MPPED2: variants seen among roughly 807,000 people sequenced by gnomAD.
MPPED2 encodes the protein metallophosphoesterase domain containing 2, also known as metallophosphoesterase MPPED2.
Under a neutral mutation model 33.0 loss-of-function variants are expected in MPPED2, and 5 were observed. The ratio of observed to expected loss-of-function variants is 0.15; its 90% CI spans 0.08 to 0.32. MPPED2 has a LOEUF of 0.32. Ranked by LOEUF, MPPED2 falls within the 10% of genes least tolerant of loss-of-function variation. The pLI is 1.00. For missense variants in MPPED2, 275 were observed against 372.1 expected (o/e 0.74, Z 2.15); for synonymous variants, 136 against 141.9 (o/e 0.96, Z 0.29).
chr11:30,442,045 A>G (rs1472031298), intron 4 of MPPED2, among the ~76,000 whole-genome samples: 2 of 152,236 alleles, frequency 1.3e-5, no homozygotes, highest in African/African-American at 2.4e-5. Flanking sequence ...ACTGGCTCAG[A>G]GATGGCCAGA....
intron 2 of MPPED2, among the ~76,000 whole-genome samples, chr11:30,536,979 A>G (rs542229632): frequency 6.6e-6 from 1 of 152,324 alleles, no homozygotes; most frequent in East Asian, 1.9e-4. Context: ...TAATATATGT[A>G]TAGTTTTAGA....
At chr11:30,496,559 T>C (rs1359041669) in intron 3 of MPPED2, among the ~76,000 whole-genome samples, 1 of 152,208 alleles carries the variant, frequency 6.6e-6, no homozygotes, top group Non-Finnish European at 1.5e-5. Context: ...GGGTCTGATG[T>C]GAAATTAATG....
chr11:30,462,400 G>A (rs1293812302), intron 4 of MPPED2, among the ~76,000 whole-genome samples: 2 of 152,106 alleles, frequency 1.3e-5, no homozygotes, highest in Non-Finnish European at 2.9e-5. Context: ...AACTTGGGCG[G>A]GAAGGAATAA....
At chr11:30,435,646 G>T (rs1055808760) in intron 4 of MPPED2, among the ~76,000 whole-genome samples, 6 of 152,280 alleles carry the variant, frequency 3.9e-5, no homozygotes, top group African/African-American at 1.2e-4. Context: ...AACAAAGCCT[G>T]ACCACCCATC....
In MPPED2 at chr11:30,430,971, T is replaced by C. The variant is rs11031081; in HGVS notation, c.537-13338A>G. 1.6e-3 allele frequency among the ~76,000 whole-genome samples: 243 copies of C among 152,106 alleles called. 5 individuals are homozygous for C. The East Asian group carries it at 0.043, about 27-fold the overall frequency. On this transcript the variant is annotated intron_variant, in intron 4 of 6. Transcript: ENST00000358117. ...ATTCAGGAAAAATCAGAATTAGAGA[T>C]GAAAGAGGATGAGGAGGCAGCCAGG...
At chr11:30,445,440 C>T (rs1464414552) in intron 4 of MPPED2, among the ~76,000 whole-genome samples, 2 of 152,086 alleles carry the variant, frequency 1.3e-5, no homozygotes, top group Admixed American at 6.5e-5. Flanking sequence ...TTAGTGTAAC[C>T]TTTTTTCTTA....
At chr11:30,480,575 A>C (rs569198564) in intron 4 of MPPED2, among the ~76,000 whole-genome samples, 1 of 152,202 alleles carries the variant, frequency 6.6e-6, no homozygotes, top group South Asian at 2.1e-4. Flanking sequence ...CACAGGACTA[A>C]ATTTATCACT....
chr11:30,473,012 T>C (rs936486370), intron 4 of MPPED2, among the ~76,000 whole-genome samples: 1 of 152,246 alleles, frequency 6.6e-6, no homozygotes, highest in South Asian at 2.1e-4. Flanking sequence ...CAAATAGTTA[T>C]ATATACTTAT....
chr11:30,426,855 G>A (rs966372585), intron 4 of MPPED2, among the ~76,000 whole-genome samples: 26 of 152,256 alleles, frequency 1.7e-4, no homozygotes, highest in South Asian at 4.1e-4. Context: ...TGGTGTGAGC[G>A]GGAGGGAGGT....
intron 4 of MPPED2, among the ~76,000 whole-genome samples, chr11:30,449,136 A>G (rs894395391): frequency 1.3e-5 from 2 of 152,214 alleles, no homozygotes; most frequent in African/African-American, 2.4e-5. Flanking sequence ...TATATCCACT[A>G]TCAAACACAG....
rs527370844 is a variant in MPPED2 at position 30,489,072 on chromosome 11, A to G, written c.536+6224T>C. Among the ~76,000 whole-genome samples the G allele has an allele frequency of 8.4e-5, 12 of 142,350 alleles. No homozygotes were observed. The South Asian group carries it at 2.2e-3, about 26-fold the overall frequency. 93.4% of individuals were successfully genotyped at this position (142,350 alleles called of 152,430 possible). A position where few individuals can be genotyped will look rare whatever the true frequency, so the allele number is the denominator to read the frequency against. On this transcript the variant is annotated intron_variant, in intron 4 of 6. Transcript: ENST00000358117. The stretch of plus-strand genomic sequence containing the variant: ...TTCTCCTTTTTTTTTTTTTTGCCTA[A>G]GTTAATTACAAAGTATGACTGAGAA...
At chr11:30,476,192 T>C (rs1042935917) in intron 4 of MPPED2, among the ~76,000 whole-genome samples, 24 of 152,044 alleles carry the variant, frequency 1.6e-4, no homozygotes, top group African/African-American at 5.3e-4. Context: ...TCCCCTAGAC[T>C]ATGTTCCCCA....
At chr11:30,463,570 G>T (rs1374772176) in intron 4 of MPPED2, among the ~76,000 whole-genome samples, 4 of 152,208 alleles carry the variant, frequency 2.6e-5, no homozygotes, top group African/African-American at 9.6e-5. Context: ...GTTCTGCGAA[G>T]TGGCTGGCCA....
chr11:30,410,287 T>A lies in MPPED2; in HGVS notation c.*1181A>T. 1 of 985,320 alleles carries A rather than the reference T, an allele frequency of 1.0e-6. No individual in the cohort carries two copies. Among genetic ancestry groups the A allele is most frequent in the Non-Finnish European group, 1.2e-6 (1 of 829,528 alleles). 61.0% of individuals were successfully genotyped at this position (985,320 alleles called of 1,614,324 possible). A position where few individuals can be genotyped will look rare whatever the true frequency, so the allele number is the denominator to read the frequency against. On this transcript the variant is annotated 3_prime_UTR_variant, in exon 7 of 7. Coordinates refer to ENST00000358117, the MANE Select transcript of MPPED2 (RefSeq NM_001584.3). The stretch of plus-strand genomic sequence containing the variant: ...CTAGATATAGAATATCACAATAAAT[T>A]TAAAGAAACAACTGCTTTCCTAAAT...
intron 2 of MPPED2, among the ~76,000 whole-genome samples, chr11:30,549,499 T>C (rs1389217423): frequency 6.6e-6 from 1 of 152,176 alleles, no homozygotes; most frequent in East Asian, 1.9e-4. Flanking sequence ...AGGCCCACTA[T>C]CTATACATAT....
At chr11:30,472,450 G>C (rs1419300535) in intron 4 of MPPED2, among the ~76,000 whole-genome samples, 1 of 152,160 alleles carries the variant, frequency 6.6e-6, no homozygotes, top group Non-Finnish European at 1.5e-5. Context: ...ACTCAACAGA[G>C]ATTTTCAACC....
chr11:30,583,232 A>G (rs965872087), intron 1 of MPPED2, among the ~76,000 whole-genome samples: 5 of 147,328 alleles, frequency 3.4e-5, no homozygotes, highest in African/African-American at 1.3e-4. Context: ...ATTTGGAGAG[A>G]GCTTGAAACA....
At chr11:30,399,297 T>C (rs1947878520) in intron 6 of MPPED2, among the ~76,000 whole-genome samples, 1 of 152,204 alleles carries the variant, frequency 6.6e-6, no homozygotes, top group African/African-American at 2.4e-5. Flanking sequence ...TTTCTCCATG[T>C]CTCAGACAAA....
chr11:30,401,299 A>T (rs1947905433), intron 6 of MPPED2, among the ~76,000 whole-genome samples: 1 of 152,176 alleles, frequency 6.6e-6, no homozygotes, highest in Admixed American at 6.5e-5. Context: ...GCTAGTAGTT[A>T]AGGCTTTGGT....
Sources: allele counts gnomAD v4.1 joint callset (sites outside exome capture counted in the v4.1 genomes callset), GRCh38; gene constraint gnomAD v4.1.1; transcripts MANE v1.5; gene names NCBI Gene and HGNC (gene_info 2026-07-23, HGNC 2026-07-21).